The following MBOAT7 variants were observed in gnomAD, a reference collection of about 807,000 sequenced individuals.
MBOAT7 encodes membrane bound acylglycerophosphatidylinositol O-acyltransferase MBOAT7.
In MBOAT7, 40 loss-of-function variants were observed where a neutral mutation model predicts 47.4. That is an observed-to-expected ratio of 0.84 (90% CI 0.66 to 1.10). The LOEUF is 1.10. MBOAT7 is among the 50% of genes least tolerant of loss of function. The pLI, the probability that MBOAT7 is intolerant of heterozygous loss-of-function variation, is 0.00. For missense variants in MBOAT7, 680 were observed against 655.6 expected, an observed-to-expected ratio of 1.04 and a Z score of -0.41; for synonymous variants, 361 against 292.0, an observed-to-expected ratio of 1.24 and a Z score of -2.41.
intron 7 of MBOAT7, 119 bp from the exon 8 acceptor site, chr19:54,174,550 G>T: frequency 9.4e-7 from 1 of 1,058,468 alleles, no homozygotes; most frequent in Non-Finnish European, 1.3e-6. Context: ...TGCAGGCCCA[G>T]CCCCTCCTCC....
At chr19:54,188,627 A>T in intron 1 of MBOAT7, 116 bp from the exon 2 acceptor site, 1 of 938,896 alleles carries the variant, frequency 1.1e-6, no homozygotes, top group South Asian at 1.7e-5. Context: ...AGGATGATGG[A>T]GTATGAGCCT....
intron 6 of MBOAT7, chr19:54,179,473 G>A (rs976364357): frequency 6.4e-6 from 1 of 155,770 alleles, no homozygotes; most frequent in African/African-American, 2.4e-5. Context: ...AGGCTTTTAG[G>A]AAGGGGCTTT....
At chr19:54,178,311 C>G in intron 7 of MBOAT7, 8 of 1,028,394 alleles carry the variant, frequency 7.8e-6, no homozygotes, top group Non-Finnish European at 9.3e-6. Context: ...GAATACACAG[C>G]ACGCACTTAC....
At position 54,180,748 on chromosome 19, in the gene MBOAT7, G is replaced by C; in HGVS notation, c.854+25C>G. 1 of 1,485,308 alleles carries C rather than the reference G, an allele frequency of 6.7e-7. No individual in the cohort carries two copies. Among genetic ancestry groups the C allele is most frequent in the Non-Finnish European group, 8.9e-7 (1 of 1,125,718 alleles). 92.0% of individuals were successfully genotyped at this position (1,485,308 alleles called of 1,614,324 possible). On this transcript the variant is annotated intron_variant, in intron 6 of 7. Coordinates refer to ENST00000245615, the MANE Select transcript of MBOAT7 (RefSeq NM_024298.5). This position sits in a 1 kb window ranked among gnomAD's most constrained non-coding sequence, Gnocchi z 5.2. Reference sequence around the variant, plus strand: ...TGGAGGTGGGGGCTGCTGGGTCTTGGGAAGCCTCCCTCGCGCCGCCTGACC... The same window carrying C: ...TGGAGGTGGGGGCTGCTGGGTCTTGCGAAGCCTCCCTCGCGCCGCCTGACC...
At position 54,181,036 on chromosome 19, in the gene MBOAT7, C is replaced by T. The variant is rs770063247; in HGVS notation, c.591G>A (p.Pro197=). 1.6e-4 allele frequency: 248 copies of T among 1,548,486 alleles called. No individual in the cohort carries two copies. Among genetic ancestry groups the T allele is most frequent in the Middle Eastern group, 5.7e-4 (3 of 5,276 alleles). The stretch of plus-strand genomic sequence containing the variant: ...GGAACAGCAGGCCGAAGAGCGGGGC[C>T]GGCCAGGCGCGGCGCAGCAGGGGCC... The part of the protein sequence containing the change: ...SLRPLLRRAW[P]APLFGLLFLL... Residue 197 remains proline (P), a synonymous_variant, in exon 6 of 8, where the codon CCG becomes CCA. Transcript: ENST00000245615.
chr19:54,179,053 A>C, intron 6 of MBOAT7, 112 bp from the exon 7 acceptor site: 4 of 1,418,824 alleles, frequency 2.8e-6, no homozygotes, highest in Non-Finnish European at 3.8e-6. Flanking sequence ...CTGGCCAGGC[A>C]ATGGCCCTCT....
At chr19:54,175,135 C>T (rs2076061868) in intron 7 of MBOAT7, among the ~76,000 whole-genome samples, 4 of 151,986 alleles carry the variant, frequency 2.6e-5, no homozygotes, top group South Asian at 2.1e-4. Context: ...GCCACCACGC[C>T]CGGCTAATTT....
In MBOAT7 at chr19:54,185,884, C is replaced by T. The variant is rs559167016; in HGVS notation, c.333+1277G>A. Among the ~76,000 whole-genome samples, 13 of 150,848 alleles carry T rather than the reference C, an allele frequency of 8.6e-5. No individual in the cohort carries two copies. In the South Asian group the frequency reaches 1.0e-3, roughly 12 times the overall value. Reference sequence around the variant, plus strand: ...CTCATTTTTGTATTTTTAGTAGAGACGGAGTTTTACCATGTTGGCCAGGAT... The same window carrying T: ...CTCATTTTTGTATTTTTAGTAGAGATGGAGTTTTACCATGTTGGCCAGGAT... On this transcript the variant is annotated intron_variant, in intron 4 of 7. Transcript: ENST00000245615.
At chr19:54,175,185 A>T (rs111251337) in intron 7 of MBOAT7, among the ~76,000 whole-genome samples, 3 of 152,018 alleles carry the variant, frequency 2.0e-5, no homozygotes, top group South Asian at 2.1e-4. Flanking sequence ...TCACCGTGTT[A>T]GCCAGGATGG....
rs2075986216 is a variant in MBOAT7 at position 54,173,866 on chromosome 19, G to A, written c.*178C>T. On this transcript the variant is annotated 3_prime_UTR_variant, in exon 8 of 8. Transcript: ENST00000245615. ...TTTGTAGGAGTGGAGGTGGCCTCTG[G>A]GCAGAGGGCAGGGAGGACACCCCCG... 1.5e-6 allele frequency: 1 copy of A among 683,822 alleles called. No individual in the cohort carries two copies. The allele number at this position is 683,822 out of a possible 1,614,324, so 42.4% of individuals were successfully genotyped here. A position where few individuals can be genotyped will look rare whatever the true frequency, so the allele number is the denominator to read the frequency against.
Position 54,173,854 on chromosome 19 carries a change from A to C in MBOAT7, c.*190T>G. 1.7e-6 allele frequency: 1 copy of C among 591,500 alleles called. No homozygotes were observed. The highest frequency in any genetic ancestry group is 2.8e-6 in the Non-Finnish European group (1 of 353,838). The allele number at this position is 591,500 out of a possible 1,614,324, so 36.6% of individuals were successfully genotyped here. A position where few individuals can be genotyped will look rare whatever the true frequency, so the allele number is the denominator to read the frequency against. On this transcript the variant is annotated 3_prime_UTR_variant, in exon 8 of 8. Transcript: ENST00000245615. The stretch of plus-strand genomic sequence containing the variant: ...CAATACTTTGATTTTGTAGGAGTGG[A>C]GGTGGCCTCTGGGCAGAGGGCAGGG...
chr19:54,177,804 A>G (rs1004519643), intron 7 of MBOAT7, among the ~76,000 whole-genome samples: 3 of 140,366 alleles, frequency 2.1e-5, no homozygotes, highest in Non-Finnish European at 4.5e-5. Flanking sequence ...TCTTCACCAT[A>G]TTGCCCTGAC....
chr19:54,185,309 T>C (rs1372794087), intron 4 of MBOAT7, among the ~76,000 whole-genome samples: 1 of 152,104 alleles, frequency 6.6e-6, no homozygotes, highest in Non-Finnish European at 1.5e-5. Flanking sequence ...CCTCCCACTA[T>C]GACCTCCCAA....
At chr19:54,178,698 GC>G in intron 7 of MBOAT7, 66 bp downstream of exon 7, 1 of 1,574,540 alleles carries the variant, frequency 6.4e-7, no homozygotes, top group East Asian at 2.3e-5. Context: ...GACGCTGCAG[GC>G]TACCCTGGGG....
Position 54,188,499 on chromosome 19 carries a change from C to G in MBOAT7, c.10G>C (p.Glu4Gln). 6.4e-7 allele frequency: 1 copy of G among 1,553,036 alleles called. No homozygotes were observed. The highest frequency in any genetic ancestry group is 8.7e-7 in the Non-Finnish European group (1 of 1,147,554). The change falls in exon 2 of 8, where the codon GAA becomes CAA. Residue 4 changes from glutamate (E) to glutamine (Q), a missense_variant. Physicochemically the swap from Glu to Gln is conservative, Grantham distance 29. Transcript: ENST00000245615. ...AGAACCACTAGATACGTCCATTCTT[C>G]AGGCGACATGGTCTGGGGGAGGGGC... The part of the protein sequence containing the change: MSP[E>Q]EWTYLVVLLI...
At chr19:54,175,807 C>T (rs919086258) in intron 7 of MBOAT7, among the ~76,000 whole-genome samples, 4 of 152,218 alleles carry the variant, frequency 2.6e-5, no homozygotes, top group Non-Finnish European at 5.9e-5. Context: ...TCACTGCAAC[C>T]TCTGCCTCCT....
rs556471612 is a variant in MBOAT7 at position 54,173,465 on chromosome 19, G to T, written c.*579C>A. On this transcript the variant is annotated 3_prime_UTR_variant, in exon 8 of 8. Coordinates refer to ENST00000245615, the MANE Select transcript of MBOAT7 (RefSeq NM_024298.5). Reference sequence around the variant, plus strand: ...GATTTACACACGGTGACCTGTCATAGGCCAAGCGATGAGAAGAGGGCGCCA... The same window carrying T: ...GATTTACACACGGTGACCTGTCATATGCCAAGCGATGAGAAGAGGGCGCCA... 1.3e-3 allele frequency: 299 copies of T among 222,958 alleles called. 3 individuals are homozygous for T. The South Asian group carries it at 0.022, about 17-fold the overall frequency. The allele number at this position is 222,958 out of a possible 1,614,324, so 13.8% of individuals were successfully genotyped here. A position where few individuals can be genotyped will look rare whatever the true frequency, so the allele number is the denominator to read the frequency against.
intron 1 of MBOAT7, 47 bp from the exon 2 acceptor site, chr19:54,188,558 C>T: frequency 1.3e-6 from 2 of 1,520,456 alleles, no homozygotes; most frequent in African/African-American, 2.8e-5. Context: ...GAATCCAGGC[C>T]CCCTGCCTCC....
chr19:54,174,449 A>T lies in MBOAT7; in HGVS notation c.1032-18T>A, dbSNP rs746884208. 6.6e-7 allele frequency: 1 copy of T among 1,516,552 alleles called. No homozygotes were observed. Among genetic ancestry groups the T allele is most frequent in the African/African-American group, 1.4e-5 (1 of 71,558 alleles). The allele number at this position is 1,516,552 out of a possible 1,614,324, so 93.9% of individuals were successfully genotyped here. On this transcript the variant is annotated intron_variant, in intron 7 of 7. Coordinates refer to ENST00000245615, the MANE Select transcript of MBOAT7 (RefSeq NM_024298.5). ...AGGCGCTCCTGAGGAGGAGGCTGGG[A>T]GTCAGGACCTACGAGTCCAGGTCCC...
Sources: allele counts gnomAD v4.1 joint callset (sites outside exome capture counted in the v4.1 genomes callset), GRCh38; gene constraint gnomAD v4.1.1; non-coding constraint Gnocchi (gnomAD v3.1); transcripts MANE v1.5; gene names NCBI Gene and HGNC (gene_info 2026-07-23, HGNC 2026-07-21).